Variants in HDAC4 observed in about 807,000 individuals in gnomAD.
HDAC4 encodes histone deacetylase A.
A neutral mutation model predicts 135.1 loss-of-function variants in HDAC4; 16 were observed. The ratio of observed to expected loss-of-function variants is 0.12; its 90% CI spans 0.08 to 0.18. The LOEUF (loss-of-function observed/expected upper bound fraction) is 0.18. Ranked by LOEUF, HDAC4 falls within the 10% of genes least tolerant of loss-of-function variation. The pLI, the probability that HDAC4 is intolerant of heterozygous loss-of-function variation, is 1.00. For missense variants in HDAC4, 1,143 were observed against 1,511.8 expected (o/e 0.76, Z 4.05); for synonymous variants, 685 against 653.4 (o/e 1.05, Z -0.74).
At chr2:239,185,586 G>A (rs866894912) in intron 4 of HDAC4, among the ~76,000 whole-genome samples, 13 of 152,168 alleles carry the variant, frequency 8.5e-5, no homozygotes, top group African/African-American at 2.9e-4. Flanking sequence ...GCCCAGTCTT[G>A]TGCTTGGGGT....
intron 3 of HDAC4, among the ~76,000 whole-genome samples, chr2:239,198,005 A>G (rs2045516485): frequency 6.6e-6 from 1 of 152,092 alleles, no homozygotes; most frequent in South Asian, 2.1e-4. Context: ...GGTGTGCACC[A>G]CCATGCCCAG....
intron 11 of HDAC4, among the ~76,000 whole-genome samples, chr2:239,127,379 T>G: frequency 6.6e-6 from 1 of 152,256 alleles, no homozygotes; most frequent in East Asian, 1.9e-4. Flanking sequence ...TGATCTTGCT[T>G]TAATTGGCAT....
chr2:239,209,536 T>G (rs984130489), intron 3 of HDAC4, among the ~76,000 whole-genome samples: 1 of 152,236 alleles, frequency 6.6e-6, no homozygotes. Flanking sequence ...CCATGTGGAT[T>G]AAGACTCAAA....
At chr2:239,193,540 G>A (rs985945314) in intron 3 of HDAC4, among the ~76,000 whole-genome samples, 6 of 152,372 alleles carry the variant, frequency 3.9e-5, no homozygotes, top group African/African-American at 1.2e-4. Context: ...TCTCACCGAG[G>A]GCAGGGGCTG....
intron 11 of HDAC4, among the ~76,000 whole-genome samples, chr2:239,131,834 CTTAT>C (rs1210685471): frequency 1.3e-5 from 2 of 152,228 alleles, no homozygotes; most frequent in Non-Finnish European, 2.9e-5. Flanking sequence ...CTAATTCTGA[CTTAT>C]TTATTTAACA....
chr2:239,086,493 A>G (rs2035970881), intron 19 of HDAC4, among the ~76,000 whole-genome samples: 1 of 150,834 alleles, frequency 6.6e-6, no homozygotes, highest in Admixed American at 6.6e-5. Context: ...TTCCCTGCAC[A>G]CGAAGGAGAC....
chr2:239,237,655 T>C (rs2047962112), intron 2 of HDAC4, among the ~76,000 whole-genome samples: 2 of 151,926 alleles, frequency 1.3e-5, no homozygotes, highest in Non-Finnish European at 2.9e-5. Context: ...TCCTTGGAGA[T>C]GTTCAATATT....
chr2:239,321,428 G>C (rs1025456131), intron 2 of HDAC4, among the ~76,000 whole-genome samples: 4 of 120,304 alleles, frequency 3.3e-5, no homozygotes, highest in Non-Finnish European at 4.7e-5. Flanking sequence ...TAGCGCCACT[G>C]CACTCCAGCC....
At chr2:239,142,542 G>A (rs945004665) in intron 8 of HDAC4, among the ~76,000 whole-genome samples, 1 of 152,178 alleles carries the variant, frequency 6.6e-6, no homozygotes, top group African/African-American at 2.4e-5. Flanking sequence ...AGTGGCTTGT[G>A]CTGATCTCCC....
chr2:239,234,438 A>G (rs2047765587), intron 3 of HDAC4, among the ~76,000 whole-genome samples: 1 of 152,180 alleles, frequency 6.6e-6, no homozygotes, highest in Non-Finnish European at 1.5e-5. Context: ...GCTCACCCCA[A>G]AGGAAGAGAA....
intron 12 of HDAC4, among the ~76,000 whole-genome samples, chr2:239,121,460 T>C (rs943966026): frequency 6.6e-6 from 1 of 152,208 alleles, no homozygotes; most frequent in African/African-American, 2.4e-5. Flanking sequence ...TACCGTGCTG[T>C]GCATCAGGAG....
chr2:239,310,239 A>G (rs1270386495), intron 2 of HDAC4, among the ~76,000 whole-genome samples: 1 of 152,244 alleles, frequency 6.6e-6, no homozygotes, highest in Non-Finnish European at 1.5e-5. Flanking sequence ...TGATTAGTAG[A>G]AAAACCGACA....
intron 3 of HDAC4, among the ~76,000 whole-genome samples, chr2:239,215,856 A>G (rs1242145448): frequency 6.6e-6 from 1 of 152,194 alleles, no homozygotes; most frequent in Admixed American, 6.5e-5. Flanking sequence ...AATCACCCTG[A>G]ATAAATAATG....
intron 3 of HDAC4, chr2:239,191,098 T>G: frequency 2.3e-6 from 1 of 433,904 alleles, no homozygotes; most frequent in Admixed American, 2.4e-5. Context: ...CCTGCTCCCC[T>G]CCCACAGGCC....
At chr2:239,153,537 C>G (rs1221539002) in intron 7 of HDAC4, among the ~76,000 whole-genome samples, 2 of 152,186 alleles carry the variant, frequency 1.3e-5, no homozygotes, top group Non-Finnish European at 2.9e-5. Flanking sequence ...GGGTGTGTAA[C>G]TACACACTAT....
chr2:239,201,545 G>A (rs1040954844), intron 3 of HDAC4, among the ~76,000 whole-genome samples: 1 of 152,180 alleles, frequency 6.6e-6, no homozygotes, highest in African/African-American at 2.4e-5. Context: ...AGCTCTCCGT[G>A]AATAAAGTCA....
intron 2 of HDAC4, among the ~76,000 whole-genome samples, chr2:239,286,995 G>A (rs941818870): frequency 6.6e-6 from 1 of 152,198 alleles, no homozygotes; most frequent in Non-Finnish European, 1.5e-5. Flanking sequence ...CCCAGCAGGA[G>A]AGTGTCTGAT....
chr2:239,321,463 T>C (rs1477605791), intron 2 of HDAC4, among the ~76,000 whole-genome samples: 2 of 30,902 alleles, frequency 6.5e-5, no homozygotes, highest in Admixed American at 1.2e-3. Flanking sequence ...AGACTCCGTC[T>C]CAAAAAAAAA....
At chr2:239,376,049 G>C (rs988588772) in intron 1 of HDAC4, among the ~76,000 whole-genome samples, 1 of 152,234 alleles carries the variant, frequency 6.6e-6, no homozygotes, top group Non-Finnish European at 1.5e-5. Flanking sequence ...GGCAGGTTCT[G>C]GGCAATGATG....
Sources: allele counts gnomAD v4.1 joint callset (sites outside exome capture counted in the v4.1 genomes callset), GRCh38; gene constraint gnomAD v4.1.1; transcripts MANE v1.5; gene names NCBI Gene and HGNC (gene_info 2026-07-23, HGNC 2026-07-21).